GRAMD1B: variants seen among roughly 807,000 people sequenced by gnomAD.
GRAMD1B encodes GRAM domain containing 1B, also known as protein Aster-B.
GRAMD1B carries 37 observed loss-of-function variants against 99.7 expected under a neutral mutation model. The observed-to-expected ratio is 0.37, with a 90% confidence interval of 0.29 to 0.49. The LOEUF is 0.49. Ranked by LOEUF, GRAMD1B falls within the 20% of genes least tolerant of loss-of-function variation. The pLI is 0.98. For synonymous variants in GRAMD1B, 427 were observed against 387.6 expected (o/e 1.10, Z -1.19); for missense variants, 888 against 1,009.2 (o/e 0.88, Z 1.63).
chr11:123,609,285 T>C (rs1283857335), intron 12 of GRAMD1B, among the ~76,000 whole-genome samples: 1 of 152,134 alleles, frequency 6.6e-6, no homozygotes, highest in East Asian at 1.9e-4. Flanking sequence ...ATCTAGGATC[T>C]GGGGGTTCAT....
In GRAMD1B at chr11:123,591,587, AC is replaced by A. The variant is rs147598251; in HGVS notation, c.685-2492del. 3,694 of 398,374 alleles carry A rather than the reference AC, an allele frequency of 9.3e-3. 63 individuals are homozygous for A. The highest frequency in any genetic ancestry group is 0.046 in the African/African-American group (2,217 of 48,708). The allele number at this position is 398,374 out of a possible 1,614,324, so 24.7% of individuals were successfully genotyped here. ...CTCTGAGTCTCTGTGGTAGTTCTGC[AC>A]CCTTGTTATGCCACTTGGCTCTCCT... is the stretch of plus-strand genomic sequence containing the variant. On this transcript the variant is annotated intron_variant, in intron 4 of 19. Coordinates refer to ENST00000635736, the MANE Select transcript of GRAMD1B (RefSeq NM_001387025.1). The surrounding 1 kb of genome is among the most constrained non-coding windows in gnomAD (Gnocchi z 4.7).
chr11:123,485,574 G>A (rs1937642383), intron 2 of GRAMD1B, among the ~76,000 whole-genome samples: 1 of 152,164 alleles, frequency 6.6e-6, no homozygotes, highest in Admixed American at 6.5e-5. Flanking sequence ...AGCAAGAAGG[G>A]TTGATTTTTA....
intron 2 of GRAMD1B, among the ~76,000 whole-genome samples, chr11:123,552,620 A>G (rs1278417966): frequency 6.6e-6 from 1 of 152,210 alleles, no homozygotes; most frequent in African/African-American, 2.4e-5. Flanking sequence ...GGGTTGAGTT[A>G]AAACCCAAAG....
intron 4 of GRAMD1B, among the ~76,000 whole-genome samples, chr11:123,590,022 T>C (rs1358001646): frequency 2.0e-5 from 3 of 152,232 alleles, no homozygotes; most frequent in Non-Finnish European, 2.9e-5. Context: ...CTTCTTGGTC[T>C]GGAGGCTTTC....
intron 2 of GRAMD1B, chr11:123,491,852 G>T (rs1226947221): frequency 7.5e-6 from 3 of 399,108 alleles, no homozygotes; most frequent in Middle Eastern, 6.2e-4. Context: ...AGCCCAGCAT[G>T]GTGCAGAATC....
chr11:123,412,757 C>A (rs550747140), intron 1 of GRAMD1B, among the ~76,000 whole-genome samples: 1 of 128,474 alleles, frequency 7.8e-6, no homozygotes, highest in Admixed American at 7.1e-5. Context: ...CATATGCCCT[C>A]TCTTCATTTT....
rs781205643 is a variant in GRAMD1B, at chr11:123,492,055, G to A, written c.452+11162G>A. 13 of 395,358 alleles carry A rather than the reference G, an allele frequency of 3.3e-5. No individual in the cohort carries two copies. Among genetic ancestry groups the A allele is most frequent in the Non-Finnish European group, 5.3e-5 (12 of 224,328 alleles). The allele number at this position is 395,358 out of a possible 1,614,324, so 24.5% of individuals were successfully genotyped here. ...AGGTCCCTGCCCAAGAGGGACACTCGGTGATCCATTGCAAGAGGCTGAAGG... is the reference window on the plus strand; with the variant it reads ...AGGTCCCTGCCCAAGAGGGACACTCAGTGATCCATTGCAAGAGGCTGAAGG... On this transcript the variant is annotated intron_variant, in intron 2 of 19. Transcript: ENST00000635736. The surrounding 1 kb of genome is among the most constrained non-coding windows in gnomAD (Gnocchi z 4.2).
chr11:123,601,997 T>A (rs1198309407), intron 8 of GRAMD1B, among the ~76,000 whole-genome samples: 1 of 152,214 alleles, frequency 6.6e-6, no homozygotes, highest in Non-Finnish European at 1.5e-5. Context: ...GTATATGGTT[T>A]GGCAGAGAGG....
At chr11:123,552,093 C>T (rs1191200061) in intron 2 of GRAMD1B, among the ~76,000 whole-genome samples, 2 of 152,200 alleles carry the variant, frequency 1.3e-5, no homozygotes, top group Middle Eastern at 3.4e-3. Context: ...ACACATGGGG[C>T]CCTGTGCGTT....
At chr11:123,613,164 A>G (rs927703092) in intron 15 of GRAMD1B, 6 of 553,256 alleles carry the variant, frequency 1.1e-5, no homozygotes, top group African/African-American at 1.9e-5. Context: ...GACGAGAAGT[A>G]TTTGTAAAAT....
In GRAMD1B at chr11:123,587,554, A is replaced by G. The variant is rs371731129; in HGVS notation, c.684+3222A>G. ...GAAATTTACTCCCCCTCAGCCCCCA[A>G]CGGGGCATAACATCACAGGGGTTTC... On this transcript the variant is annotated intron_variant, in intron 4 of 19. Transcript: ENST00000635736. This position sits in a 1 kb window ranked among gnomAD's most constrained non-coding sequence, Gnocchi z 4.2. 1.9e-4 allele frequency among the ~76,000 whole-genome samples: 29 copies of G among 152,356 alleles called. 1 individual carries two copies. In the East Asian group the frequency reaches 2.3e-3, roughly 12 times the overall value.
intron 9 of GRAMD1B, 86 bp from the exon 10 acceptor site, chr11:123,605,236 A>G: frequency 6.5e-6 from 6 of 927,558 alleles, no homozygotes; most frequent in Non-Finnish European, 9.3e-6. Flanking sequence ...ATAGATATGG[A>G]TGGATAGAAA....
intron 1 of GRAMD1B, among the ~76,000 whole-genome samples, chr11:123,477,624 TCTCCC>T (rs1432427969): frequency 9.4e-6 from 1 of 105,868 alleles, no homozygotes; most frequent in African/African-American, 3.6e-5. Flanking sequence ...TTTCCCTCTC[TCTCCC>T]CTCCCCTCCC....
intron 1 of GRAMD1B, among the ~76,000 whole-genome samples, chr11:123,480,303 CT>C (rs1951522691): frequency 6.6e-6 from 1 of 152,134 alleles, no homozygotes; most frequent in Non-Finnish European, 1.5e-5. Context: ...CCCATCCAGC[CT>C]TTTGCCTTAC....
intron 2 of GRAMD1B, among the ~76,000 whole-genome samples, chr11:123,558,190 G>T (rs1565370058): frequency 6.6e-6 from 1 of 151,628 alleles, no homozygotes; most frequent in Admixed American, 6.6e-5. Context: ...CACCACGTTG[G>T]CCAGGCTGGT....
upstream of GRAMD1B, among the ~76,000 whole-genome samples, chr11:123,426,978 C>G (rs1489816323): frequency 6.6e-6 from 1 of 152,142 alleles, no homozygotes; most frequent in Non-Finnish European, 1.5e-5. Flanking sequence ...GACCTCCTTT[C>G]ATTTAAAGTC....
Position 123,560,683 on chromosome 11 carries a change from CGTGTGTGTGTGTGTGTGTGT to C in GRAMD1B, c.453-16651_453-16632del, listed in dbSNP as rs749623875. The C allele has an allele frequency of 4.8e-3, 2,058 of 426,294 alleles. 2 individuals carry two copies. The highest frequency in any genetic ancestry group is 7.2e-3 in the Non-Finnish European group (1,543 of 214,950). The allele number at this position is 426,294 out of a possible 1,614,324, so 26.4% of individuals were successfully genotyped here. On this transcript the variant is annotated intron_variant, in intron 2 of 19. Transcript: ENST00000635736. The stretch of plus-strand genomic sequence containing the variant: ...TGCTAACTCGTGCTGACGCCTGGTG[CGTGTGTGTGTGTGTGTGTGT>C]GTGTGTGTGTGTGTGTGTGTGTGTG...
intron 1 of GRAMD1B, among the ~76,000 whole-genome samples, chr11:123,448,643 T>A (rs1949746074): frequency 6.6e-6 from 1 of 152,268 alleles, no homozygotes; most frequent in Admixed American, 6.5e-5. Flanking sequence ...TCCACCTGAC[T>A]AATGGGCAGT....
chr11:123,564,271 G>C (rs1377385054), intron 2 of GRAMD1B, among the ~76,000 whole-genome samples: 1 of 152,188 alleles, frequency 6.6e-6, no homozygotes, highest in Admixed American at 6.5e-5. Flanking sequence ...TTTGTTTCTG[G>C]ATGCTTTGCC....
Sources: allele counts gnomAD v4.1 joint callset (sites outside exome capture counted in the v4.1 genomes callset), GRCh38; gene constraint gnomAD v4.1.1; non-coding constraint Gnocchi (gnomAD v3.1); transcripts MANE v1.5; gene names NCBI Gene and HGNC (gene_info 2026-07-23, HGNC 2026-07-21).